The following MINK1 variants were observed in gnomAD, a reference collection of about 807,000 sequenced individuals.
MINK1 encodes the protein misshapen-like kinase 1.
In MINK1, 46 loss-of-function variants were observed where a neutral mutation model predicts 178.4. That is an observed-to-expected ratio of 0.26 (90% confidence interval 0.20 to 0.33). The LOEUF (loss-of-function observed/expected upper bound fraction) is 0.33, where lower values mean the gene tolerates loss of function less well. MINK1 is among the 10% of genes least tolerant of loss of function. The pLI, the probability that MINK1 is intolerant of heterozygous loss-of-function variation, is 1.00. For missense variants in MINK1, 1,366 were observed against 1,814.9 expected (o/e 0.75, Z 4.49); for synonymous variants, 797 against 709.7 (o/e 1.12, Z -1.96).
intron 4 of MINK1, chr17:4,882,849 A>C (rs1245616778): frequency 2.0e-5 from 3 of 152,140 alleles, no homozygotes; most frequent in Non-Finnish European, 4.4e-5. Flanking sequence ...GGCCAGACGC[A>C]ATGGCTCAAG....
At chr17:4,882,966 C>A (rs1967841247) in intron 4 of MINK1, 1 of 151,738 alleles carries the variant, frequency 6.6e-6, no homozygotes, top group Non-Finnish European at 1.5e-5. Context: ...ACTGAAAATA[C>A]AAAAATTAGC....
chr17:4,867,817 GAAAA>G (rs951019194), intron 1 of MINK1, among the ~76,000 whole-genome samples: 1 of 139,494 alleles, frequency 7.2e-6, no homozygotes, highest in East Asian at 2.1e-4. Flanking sequence ...CTCCAAAAAA[GAAAA>G]AAAAAAGGAA....
At position 4,863,462 on chromosome 17, in the gene MINK1, C is replaced by T. The variant is rs951368316; in HGVS notation, c.58-14855C>T. Among the ~76,000 whole-genome samples the T allele has an allele frequency of 2.2e-4, 34 of 152,084 alleles. 1 individual carries two copies. Among genetic ancestry groups the T allele is most frequent in the Non-Finnish European group, 5.9e-5 (4 of 68,022 alleles). Reference sequence around the variant, plus strand: ...TTTTTCCTTCAATCTTGGACTGGCTCCCTGGGGTCAGGAACTCATGTCTTA... The same window carrying T: ...TTTTTCCTTCAATCTTGGACTGGCTTCCTGGGGTCAGGAACTCATGTCTTA... On this transcript the variant is annotated intron_variant, in intron 1 of 31. Coordinates refer to ENST00000355280, the MANE Select transcript of MINK1 (RefSeq NM_153827.5).
At chr17:4,858,294 G>C (rs1265675097) in intron 1 of MINK1, among the ~76,000 whole-genome samples, 1 of 151,918 alleles carries the variant, frequency 6.6e-6, no homozygotes, top group Non-Finnish European at 1.5e-5. Context: ...TTTCATCTGG[G>C]AGGGGGGAGG....
chr17:4,884,582 G>C, intron 5 of MINK1, 109 bp downstream of exon 5: 1 of 806,430 alleles, frequency 1.2e-6, no homozygotes, highest in Admixed American at 2.2e-5. Flanking sequence ...GCCCTCTTTA[G>C]GGAGCAGCAG....
At chr17:4,841,519 A>AT (rs1910215718) in intron 1 of MINK1, among the ~76,000 whole-genome samples, 1 of 148,618 alleles carries the variant, frequency 6.7e-6, no homozygotes, top group Non-Finnish European at 1.5e-5. Context: ...TTTCCCACAA[A>AT]GCCCCCCCTC....
At chr17:4,884,593 G>T (rs1025837168) in intron 5 of MINK1, 120 bp downstream of exon 5, 1 of 745,352 alleles carries the variant, frequency 1.3e-6, no homozygotes, top group Non-Finnish European at 2.3e-6. Context: ...GGAGCAGCAG[G>T]CCTGATGCGG....
Position 4,894,085 on chromosome 17 carries a change from G to T in MINK1, c.2662G>T (p.Val888Phe). Residue 888 changes from valine to phenylalanine, a missense_variant, in exon 22 of 32, where the codon GTC (valine) becomes TTC (phenylalanine). By Grantham distance (50) the Val-to-Phe change is conservative (BLOSUM62 -1). This residue lies in a region of MINK1 where 709 missense variants were observed against 692.3 expected (regional missense o/e 1.02). Coordinates refer to ENST00000355280, the MANE Select transcript of MINK1 (RefSeq NM_153827.5). The surrounding 1 kb of genome is among the most constrained non-coding windows in gnomAD (Gnocchi z 4.1). ...QPPYGGGTMV[V>F]QRTPEEERNL... ...CCCATACGGGGGCGGCACCATGGTG[G>T]TCCAGCGCGTGAGTGAGCCTCTGCT... 1 of 1,591,078 alleles carries T rather than the reference G, an allele frequency of 6.3e-7. No individual in the cohort carries two copies. The highest frequency in any genetic ancestry group is 2.2e-5 in the East Asian group (1 of 44,540).
chr17:4,833,758 T>A lies in MINK1; in HGVS notation c.57+118T>A. 2 of 778,000 alleles carry A rather than the reference T, an allele frequency of 2.6e-6. No individual in the cohort carries two copies. Among genetic ancestry groups the A allele is most frequent in the Non-Finnish European group, 3.8e-6 (2 of 528,212 alleles). The allele number at this position is 778,000 out of a possible 1,614,324, so 48.2% of individuals were successfully genotyped here. A position where few individuals can be genotyped will look rare whatever the true frequency, so the allele number is the denominator to read the frequency against. On this transcript the variant is annotated intron_variant, in intron 1 of 31. Transcript: ENST00000355280. The surrounding 1 kb of genome is among the most constrained non-coding windows in gnomAD (Gnocchi z 4.8). ...CCCCCTCCACCAGCTTGGGTCCCCT[T>A]GGCGACCCGTGCCCCTTTCCCGGAC...
chr17:4,884,255 C>T (rs1329136010), intron 4 of MINK1, 108 bp from the exon 5 acceptor site: 3 of 815,296 alleles, frequency 3.7e-6, no homozygotes, highest in African/African-American at 3.4e-5. Flanking sequence ...CCAGTTCTAA[C>T]CCCAAGGTCT....
At chr17:4,860,504 A>G (rs1205062726) in intron 1 of MINK1, among the ~76,000 whole-genome samples, 2 of 152,166 alleles carry the variant, frequency 1.3e-5, no homozygotes, top group African/African-American at 4.8e-5. Flanking sequence ...CTTTGTTTCT[A>G]ATCTCCTCTC....
In MINK1 at chr17:4,887,023, G is replaced by C. The variant is rs1968268123; in HGVS notation, c.950-87G>C. On this transcript the variant is annotated intron_variant, in intron 10 of 31. Coordinates refer to ENST00000355280, the MANE Select transcript of MINK1 (RefSeq NM_153827.5). The surrounding 1 kb of genome is among the most constrained non-coding windows in gnomAD (Gnocchi z 7.6). ...CCCCTCATGCTTGCCCAGCCAGAGA[G>C]ACCTGGTTATCCCCACCCAAGGTTT... The C allele has an allele frequency of 2.9e-6, 4 of 1,402,066 alleles. No homozygotes were observed. In the South Asian group the frequency reaches 5.1e-5, roughly 18 times the overall value. The allele number at this position is 1,402,066 out of a possible 1,614,324, so 86.9% of individuals were successfully genotyped here. A position where few individuals can be genotyped will look rare whatever the true frequency, so the allele number is the denominator to read the frequency against.
chr17:4,841,988 G>A (rs1407085467), intron 1 of MINK1, among the ~76,000 whole-genome samples: 2 of 152,048 alleles, frequency 1.3e-5, no homozygotes, highest in East Asian at 1.9e-4. Context: ...TTGGGAGGCC[G>A]AGGCGGGCGG....
At chr17:4,893,747 C>A in intron 21 of MINK1, 150 bp downstream of exon 21, 1 of 1,197,530 alleles carries the variant, frequency 8.4e-7, no homozygotes, top group Non-Finnish European at 1.1e-6. Flanking sequence ...TCCTGTCTCT[C>A]TCCCGCTGCC....
intron 1 of MINK1, among the ~76,000 whole-genome samples, chr17:4,844,901 C>G (rs572205409): frequency 6.6e-6 from 1 of 152,244 alleles, no homozygotes; most frequent in East Asian, 1.9e-4. Context: ...TCAGCGTACA[C>G]TTCTGTGGCA....
chr17:4,894,205 C>T lies in MINK1; in HGVS notation c.2702C>T (p.Ala901Val). Residue 901 changes from alanine to valine, a missense_variant, in exon 23 of 32, where the codon GCT becomes GTT. By Grantham distance (64) the Ala-to-Val change is moderately conservative. Coordinates refer to ENST00000355280, the MANE Select transcript of MINK1 (RefSeq NM_153827.5). The surrounding 1 kb of genome is among the most constrained non-coding windows in gnomAD (Gnocchi z 4.1). ...GAAGAGGAGCGGAACCTGCTGCATG[C>T]TGACAGCAATGGGTACACAAACCTG... ...TPEEERNLLHADSNGYTNLPD... is the reference protein window; with the variant it reads ...TPEEERNLLHVDSNGYTNLPD... 1 of 1,613,640 alleles carries T rather than the reference C, an allele frequency of 6.2e-7. No homozygotes were observed. Among genetic ancestry groups the T allele is most frequent in the South Asian group, 1.1e-5 (1 of 91,068 alleles).
intron 1 of MINK1, chr17:4,834,726 C>T: frequency 1.9e-6 from 1 of 519,580 alleles, no homozygotes; most frequent in Non-Finnish European, 3.9e-6. Context: ...CTGTGCCCTT[C>T]CAGCGCTCTC....
chr17:4,860,712 G>T (rs368137530), intron 1 of MINK1: 2 of 519,976 alleles, frequency 3.8e-6, no homozygotes, highest in Non-Finnish European at 7.7e-6. Context: ...AGAAGCAAGG[G>T]CTCAAGGCTG....
rs759715863 is a variant in MINK1, at chr17:4,892,443, G to A, written c.2129G>A (p.Arg710Gln). 76 of 1,563,454 alleles carry A rather than the reference G, an allele frequency of 4.9e-5. 1 individual carries two copies. The highest frequency in any genetic ancestry group is 5.6e-5 in the Non-Finnish European group (65 of 1,155,416). Residue 710 changes from arginine to glutamine, a missense_variant, in exon 18 of 32, where the codon CGG becomes CAG. By Grantham distance (43) the Arg-to-Gln change is conservative (BLOSUM62 1). Coordinates refer to ENST00000355280, the MANE Select transcript of MINK1 (RefSeq NM_153827.5). ...GCCTGGCAAATCTATCTGCAAAGGC[G>A]GGCAGAGCGGGGCACCCCAAAGCCT... ...NSAWQIYLQRRAERGTPKPPG... is the reference protein window; with the variant it reads ...NSAWQIYLQRQAERGTPKPPG...
Sources: gnomAD v4.1 joint callset for allele counts (sites outside exome capture counted in the v4.1 genomes callset) on GRCh38, gnomAD v4.1.1 for gene constraint, gnomAD v4.1.1 regional missense constraint, Gnocchi (gnomAD v3.1) non-coding constraint, MANE v1.5 for transcripts, NCBI Gene and HGNC (gene_info 2026-07-23, HGNC 2026-07-21) for gene names.